VPS13B: variants seen among roughly 807,000 people sequenced by gnomAD.
VPS13B encodes intermembrane lipid transfer protein VPS13B.
In VPS13B, 285 loss-of-function variants were observed where a neutral mutation model predicts 426.4. The ratio of observed to expected loss-of-function variants is 0.67; its 90% CI spans 0.61 to 0.74. The LOEUF (loss-of-function observed/expected upper bound fraction) is 0.74, where lower values mean the gene tolerates loss of function less well. VPS13B is among the 30% of genes least tolerant of loss of function. VPS13B has a pLI of 0.00. For synonymous variants in VPS13B, 1,676 were observed against 1,676.4 expected (o/e 1.00, Z 0.01); for missense variants, 4,537 against 4,782.6 (o/e 0.95, Z 1.51).
intron 8 of VPS13B, among the ~76,000 whole-genome samples, chr8:99,130,102 C>A (rs991679737): frequency 2.0e-5 from 3 of 152,140 alleles, no homozygotes; most frequent in Non-Finnish European, 4.4e-5. Context: ...CAGTATTTGT[C>A]AATAGTTAAT....
chr8:99,393,451 A>T (rs3134304), intron 21 of VPS13B, among the ~76,000 whole-genome samples: 40,077 of 151,968 alleles, frequency 0.26, 6,025 homozygotes, highest in East Asian at 0.43. Flanking sequence ...CACATTTTTT[A>T]AATTTTAAAT....
chr8:99,800,088 A>C (rs1198076306), intron 43 of VPS13B, among the ~76,000 whole-genome samples: 1 of 152,202 alleles, frequency 6.6e-6, no homozygotes, highest in Admixed American at 6.5e-5. Flanking sequence ...TCTGCATAGC[A>C]TCAGAATCTC....
chr8:99,764,190 T>C (rs777158022), intron 39 of VPS13B, among the ~76,000 whole-genome samples: 1 of 152,090 alleles, frequency 6.6e-6, no homozygotes, highest in Non-Finnish European at 1.5e-5. Flanking sequence ...TTACAAAATA[T>C]AGTGAGTCCT....
At chr8:99,668,940 C>G (rs577023461) in intron 35 of VPS13B, among the ~76,000 whole-genome samples, 2 of 152,262 alleles carry the variant, frequency 1.3e-5, no homozygotes, top group South Asian at 4.1e-4. Flanking sequence ...GACATGAGCT[C>G]TATTCCATGT....
At chr8:99,119,871 GT>G (rs889589362) in intron 7 of VPS13B, among the ~76,000 whole-genome samples, 8 of 147,894 alleles carry the variant, frequency 5.4e-5, no homozygotes, top group African/African-American at 1.2e-4. Context: ...TTTCCATGGT[GT>G]TTTTTTTTTG....
At chr8:99,400,938 C>G (rs576019001) in intron 21 of VPS13B, among the ~76,000 whole-genome samples, 1 of 152,190 alleles carries the variant, frequency 6.6e-6, no homozygotes, top group Non-Finnish European at 1.5e-5. Flanking sequence ...TCCCAAAGTG[C>G]TTGTATTACA....
At chr8:99,047,881 T>C (rs2132252599) in intron 3 of VPS13B, among the ~76,000 whole-genome samples, 1 of 151,956 alleles carries the variant, frequency 6.6e-6, no homozygotes, top group East Asian at 1.9e-4. Flanking sequence ...AGAGACGTGG[T>C]TTCATCATTT....
chr8:99,657,872 C>A (rs1298699814), intron 34 of VPS13B, among the ~76,000 whole-genome samples: 1 of 152,202 alleles, frequency 6.6e-6, no homozygotes, highest in Non-Finnish European at 1.5e-5. Flanking sequence ...GGCTTCTCCT[C>A]TGCTCATGCA....
At chr8:99,501,637 T>C in intron 25 of VPS13B, 50 bp from the exon 26 acceptor site, 1 of 1,553,128 alleles carries the variant, frequency 6.4e-7, no homozygotes, top group Non-Finnish European at 8.8e-7. Flanking sequence ...GTATTTTCTG[T>C]TATTTTTGTT....
At chr8:99,275,031 A>G in intron 18 of VPS13B, 50 bp from the exon 19 acceptor site, 2 of 1,474,982 alleles carry the variant, frequency 1.4e-6, no homozygotes, top group Non-Finnish European at 9.1e-7. Context: ...AACATTCTCA[A>G]GTGACTCATG....
At position 99,171,385 on chromosome 8, in the gene VPS13B, G is replaced by T. The variant is rs539234899; in HGVS notation, c.2333+1222G>T. Among the ~76,000 whole-genome samples the T allele has an allele frequency of 8.2e-4, 125 of 151,858 alleles. No homozygotes were observed. In the Middle Eastern group the frequency reaches 0.01, roughly 13 times the overall value. On this transcript the variant is annotated intron_variant, in intron 16 of 61. Coordinates refer to ENST00000357162, the MANE Select transcript of VPS13B (RefSeq NM_152564.5). ...GGTATTTGTGAAAACTATTTTCTCC[G>T]TTATGTGCTGATTAATTTATCATTT... is the stretch of plus-strand genomic sequence containing the variant.
intron 23 of VPS13B, among the ~76,000 whole-genome samples, chr8:99,457,964 G>A (rs542874840): frequency 1.3e-5 from 2 of 151,732 alleles, no homozygotes; most frequent in Non-Finnish European, 2.9e-5. Flanking sequence ...TGTGCACAAC[G>A]TGCAGGTTTG....
intron 43 of VPS13B, among the ~76,000 whole-genome samples, chr8:99,792,301 C>T (rs944715652): frequency 3.3e-5 from 5 of 152,056 alleles, no homozygotes; most frequent in African/African-American, 9.7e-5. Context: ...AACTCAATTT[C>T]CAGGGAAAGA....
At chr8:99,429,134 G>A (rs188964710) in intron 21 of VPS13B, among the ~76,000 whole-genome samples, 1,596 of 152,236 alleles carry the variant, frequency 0.01, 14 homozygotes, top group Middle Eastern at 0.027. Flanking sequence ...CTGTTGTGGG[G>A]TGTGGGGAGT....
intron 3 of VPS13B, among the ~76,000 whole-genome samples, chr8:99,052,946 C>T (rs577141915): frequency 3.2e-4 from 49 of 151,894 alleles, no homozygotes; most frequent in African/African-American, 9.7e-4. Flanking sequence ...CTCTTGCTAG[C>T]GGTCTATCAA....
chr8:99,343,759 C>G lies in VPS13B; in HGVS notation c.2825-40449C>G, dbSNP rs963323119. Among the ~76,000 whole-genome samples, 4 of 152,106 alleles carry G rather than the reference C, an allele frequency of 2.6e-5. No individual in the cohort carries two copies. The East Asian group carries it at 7.7e-4, about 29-fold the overall frequency. The stretch of plus-strand genomic sequence containing the variant: ...AAACCCAGGCAATGAAATGTCTTTT[C>G]AATCATTTAAAATTGTAAAACCATT... On this transcript the variant is annotated intron_variant, in intron 19 of 61. Transcript: ENST00000357162.
At position 99,360,218 on chromosome 8, in the gene VPS13B, CTTTCTT is replaced by C. The variant is rs1392141043; in HGVS notation, c.2825-23988_2825-23983del. On this transcript the variant is annotated intron_variant, in intron 19 of 61. Transcript: ENST00000357162. ...TCTCTCTCTCTCTCTCTCTTTCTTT[CTTTCTT>C]TCTTTCTTTCTCTCTCTCCTTCCTT... Among the ~76,000 whole-genome samples, 288 of 86,478 alleles carry C rather than the reference CTTTCTT, an allele frequency of 3.3e-3. 22 individuals carry two copies. Among genetic ancestry groups the C allele is most frequent in the Middle Eastern group, 0.012 (2 of 172 alleles). The allele number at this position is 86,478 out of a possible 152,430, so 56.7% of individuals were successfully genotyped here.
At chr8:99,532,823 A>C (rs1279098644) in intron 30 of VPS13B, among the ~76,000 whole-genome samples, 1 of 151,202 alleles carries the variant, frequency 6.6e-6, no homozygotes, top group Non-Finnish European at 1.5e-5. Context: ...TTTAACACAA[A>C]AATACACACT....
intron 6 of VPS13B, among the ~76,000 whole-genome samples, chr8:99,111,851 T>C (rs1483829402): frequency 2.0e-5 from 3 of 152,126 alleles, no homozygotes; most frequent in African/African-American, 7.2e-5. Context: ...GTTACAAGGG[T>C]ATATTGTGTG....
Sources: gnomAD v4.1 joint callset for allele counts (sites outside exome capture counted in the v4.1 genomes callset) on GRCh38, gnomAD v4.1.1 for gene constraint, MANE v1.5 for transcripts, NCBI Gene and HGNC (gene_info 2026-07-23, HGNC 2026-07-21) for gene names.